IL15: variants seen among roughly 807,000 people sequenced by gnomAD.
IL15 encodes the protein interleukin 15.
IL15 carries 11 observed loss-of-function variants against 19.6 expected under a neutral mutation model. The ratio of observed to expected loss-of-function variants is 0.56; its 90% CI spans 0.35 to 0.93. IL15 has a LOEUF of 0.93. Among genes scored for constraint, IL15 ranks in the 40% least tolerant of loss-of-function variants. The pLI is 0.01. For synonymous variants in IL15, 58 were observed against 59.6 expected (o/e 0.97, Z 0.12); for missense variants, 197 against 186.5 (o/e 1.06, Z -0.33).
chr4:141,669,576 TAG>T (rs200085695), intron 2 of IL15, among the ~76,000 whole-genome samples: 2,369 of 152,144 alleles, frequency 0.016, 59 homozygotes, highest in African/African-American at 0.054. Flanking sequence ...TTAGCAGAAA[TAG>T]AGAGTTAAAA....
In IL15 at chr4:141,723,047, GTA is replaced by G. The variant is rs546158282; in HGVS notation, c.195+1041_195+1042del. On this transcript the variant is annotated intron_variant, in intron 5 of 7. Coordinates refer to ENST00000320650, the MANE Select transcript of IL15 (RefSeq NM_000585.5). The stretch of plus-strand genomic sequence containing the variant: ...TTCCTATGGTTAGTATCACAGGAGA[GTA>G]TGAGAATACACCAAGTAAAAGAGAG... 2.1e-4 allele frequency among the ~76,000 whole-genome samples: 32 copies of G among 152,154 alleles called. No individual in the cohort carries two copies. In the South Asian group the frequency reaches 3.9e-3, roughly 19 times the overall value.
chr4:141,696,368 T>C (rs953924992), intron 2 of IL15, among the ~76,000 whole-genome samples: 3 of 152,110 alleles, frequency 2.0e-5, no homozygotes, highest in Non-Finnish European at 2.9e-5. Flanking sequence ...ATGAAGAACC[T>C]CCTACAATAT....
At chr4:141,638,523 A>G (rs1023904713) in intron 1 of IL15, among the ~76,000 whole-genome samples, 1 of 152,204 alleles carries the variant, frequency 6.6e-6, no homozygotes, top group African/African-American at 2.4e-5. Flanking sequence ...ATTGGAAGCT[A>G]TAGTTCTGGT....
In IL15 at chr4:141,724,326, A is replaced by G. The variant is rs1321912091; in HGVS notation, c.195+2318A>G. On this transcript the variant is annotated intron_variant, in intron 5 of 7. Transcript: ENST00000320650. ...GTGATGTGGCTAAAGCAATACTGACAGGACATTTTTTAAAATCAAATGAAT... is the reference window on the plus strand; with the variant it reads ...GTGATGTGGCTAAAGCAATACTGACGGGACATTTTTTAAAATCAAATGAAT... Among the ~76,000 whole-genome samples, 10 of 152,112 alleles carry G rather than the reference A, an allele frequency of 6.6e-5. No individual in the cohort carries two copies. In the East Asian group the frequency reaches 1.9e-3, roughly 29 times the overall value.
chr4:141,646,055 G>A (rs1485499592), intron 1 of IL15, among the ~76,000 whole-genome samples: 1 of 152,066 alleles, frequency 6.6e-6, no homozygotes, highest in African/African-American at 2.4e-5. Flanking sequence ...CCAGATTGAA[G>A]GGGAGACGAC....
At chr4:141,720,376 C>T (rs1462908766) in intron 3 of IL15, 93 bp from the exon 4 acceptor site, 8 of 664,494 alleles carry the variant, frequency 1.2e-5, no homozygotes, top group Non-Finnish European at 2.2e-5. Flanking sequence ...GACAAACTTA[C>T]ATCTTTAGAC....
At chr4:141,665,147 T>G (rs1328884060) in intron 2 of IL15, among the ~76,000 whole-genome samples, 2 of 152,128 alleles carry the variant, frequency 1.3e-5, no homozygotes, top group African/African-American at 4.8e-5. Flanking sequence ...ATCCTATCAT[T>G]TTGTTTATTA....
At chr4:141,707,492 C>T (rs1040563049) in intron 2 of IL15, among the ~76,000 whole-genome samples, 3 of 152,066 alleles carry the variant, frequency 2.0e-5, no homozygotes, top group African/African-American at 7.2e-5. Context: ...TGCATTGATA[C>T]TTGTTCATAT....
intron 2 of IL15, among the ~76,000 whole-genome samples, chr4:141,691,327 C>T (rs979357260): frequency 5.9e-5 from 9 of 152,166 alleles, no homozygotes; most frequent in African/African-American, 1.9e-4. Context: ...CAAAGCCAAA[C>T]ATTATCATTC....
Position 141,733,389 on chromosome 4 carries a change from C to T in IL15, c.*541C>T, listed in dbSNP as rs1730517310. 1 of 152,230 alleles carries T rather than the reference C, an allele frequency of 6.6e-6. No individual in the cohort carries two copies. Among genetic ancestry groups the T allele is most frequent in the Admixed American group, 6.5e-5 (1 of 15,268 alleles). The allele number at this position is 152,230 out of a possible 1,614,324, so 9.4% of individuals were successfully genotyped here. A position where few individuals can be genotyped will look rare whatever the true frequency, so the allele number is the denominator to read the frequency against. On this transcript the variant is annotated 3_prime_UTR_variant, in exon 8 of 8. Coordinates refer to ENST00000320650, the MANE Select transcript of IL15 (RefSeq NM_000585.5). ...AGAAGAACTATATGTGAATCCTCTT[C>T]TTTATACTGTAATTTAGTTATTGAT...
chr4:141,691,450 T>A (rs1482886495), intron 2 of IL15, among the ~76,000 whole-genome samples: 1 of 152,182 alleles, frequency 6.6e-6, no homozygotes, highest in African/African-American at 2.4e-5. Flanking sequence ...AAAGTCCAAG[T>A]CCAAAGTCTC....
chr4:141,712,480 A>G (rs994915512), intron 2 of IL15, among the ~76,000 whole-genome samples: 2 of 151,882 alleles, frequency 1.3e-5, no homozygotes, highest in African/African-American at 4.8e-5. Flanking sequence ...GAAAACTATG[A>G]TCAGAGAGTG....
rs1348222746 is a variant in IL15, at chr4:141,674,555, C to T, written c.-100+18248C>T. On this transcript the variant is annotated intron_variant, in intron 2 of 7. Coordinates refer to ENST00000320650, the MANE Select transcript of IL15 (RefSeq NM_000585.5). ...GAGCCAAGATCACGCCACTGCACTCCAGCCTGAGTGACAGAGAAGACTTCA... is the reference window on the plus strand; with the variant it reads ...GAGCCAAGATCACGCCACTGCACTCTAGCCTGAGTGACAGAGAAGACTTCA... Among the ~76,000 whole-genome samples, 8 of 150,802 alleles carry T rather than the reference C, an allele frequency of 5.3e-5. No homozygotes were observed. In the East Asian group the frequency reaches 1.3e-3, roughly 25 times the overall value.
At chr4:141,706,873 G>T (rs1276893207) in intron 2 of IL15, among the ~76,000 whole-genome samples, 1 of 152,054 alleles carries the variant, frequency 6.6e-6, no homozygotes, top group Non-Finnish European at 1.5e-5. Flanking sequence ...TGATAATCAT[G>T]TGCCTCAGAA....
At chr4:141,715,823 A>T (rs969145080) in intron 2 of IL15, 1 of 152,208 alleles carries the variant, frequency 6.6e-6, no homozygotes, top group African/African-American at 2.4e-5. Flanking sequence ...ACAAGTTAAT[A>T]AGCAGAACAA....
intron 2 of IL15, among the ~76,000 whole-genome samples, chr4:141,695,111 A>G (rs1368233641): frequency 6.6e-6 from 1 of 151,042 alleles, no homozygotes. Flanking sequence ...TCTTCTCCCC[A>G]CTCTCAACAT....
rs777009796 is a variant in IL15, at chr4:141,721,811, C to T, written c.111-113C>T. Reference sequence around the variant, plus strand: ...GTTGAATGCACAGAAGCAAGGATAACACTGATTTTTTCACTGGTCAGAATA... The same window carrying T: ...GTTGAATGCACAGAAGCAAGGATAATACTGATTTTTTCACTGGTCAGAATA... On this transcript the variant is annotated intron_variant, in intron 4 of 7. Transcript: ENST00000320650. 105 of 891,286 alleles carry T rather than the reference C, an allele frequency of 1.2e-4. 1 individual carries two copies. Among genetic ancestry groups the T allele is most frequent in the Non-Finnish European group, 1.7e-4 (99 of 578,336 alleles). The allele number at this position is 891,286 out of a possible 1,614,324, so 55.2% of individuals were successfully genotyped here.
At chr4:141,656,768 A>C (rs960560342) in intron 2 of IL15, among the ~76,000 whole-genome samples, 1 of 152,218 alleles carries the variant, frequency 6.6e-6, no homozygotes, top group Non-Finnish European at 1.5e-5. Context: ...TTACTGGGTT[A>C]ATTTTGAAAG....
At chr4:141,686,431 T>C (rs960662828) in intron 2 of IL15, among the ~76,000 whole-genome samples, 1 of 152,202 alleles carries the variant, frequency 6.6e-6, no homozygotes, top group African/African-American at 2.4e-5. Context: ...TTCATTATCG[T>C]CCAGAATTTA....
Sources: gnomAD v4.1 joint callset for allele counts (sites outside exome capture counted in the v4.1 genomes callset) on GRCh38, gnomAD v4.1.1 for gene constraint, MANE v1.5 for transcripts, NCBI Gene and HGNC (gene_info 2026-07-23, HGNC 2026-07-21) for gene names.